The following ERI3 variants were observed in gnomAD, a reference collection of about 807,000 sequenced individuals.
ERI3 encodes the protein ERI1 exoribonuclease family member 3.
ERI3 carries 18 observed loss-of-function variants against 44.4 expected under a neutral mutation model. The observed-to-expected ratio is 0.41, with a 90% CI of 0.28 to 0.60. The LOEUF (loss-of-function observed/expected upper bound fraction) is 0.60, where lower values mean the gene tolerates loss of function less well. Ranked by LOEUF, ERI3 falls within the 20% of genes least tolerant of loss-of-function variation. The pLI is 0.36. For synonymous variants in ERI3, 183 were observed against 164.8 expected (o/e 1.11, Z -0.84); for missense variants, 294 against 435.5 (o/e 0.68, Z 2.89).
intron 8 of ERI3, among the ~76,000 whole-genome samples, chr1:44,245,374 G>A (rs535927417): frequency 1.3e-4 from 20 of 152,288 alleles, no homozygotes; most frequent in Non-Finnish European, 2.8e-4. Context: ...AAGACCAAGT[G>A]TCAAGAAGCC....
At chr1:44,285,699 T>A (rs1572188727) in intron 6 of ERI3, among the ~76,000 whole-genome samples, 2 of 152,110 alleles carry the variant, frequency 1.3e-5, no homozygotes, top group East Asian at 3.8e-4. Context: ...AGTCAAAAAG[T>A]AAGATGTAAC....
intron 8 of ERI3, among the ~76,000 whole-genome samples, chr1:44,229,354 G>A (rs896471029): frequency 8.5e-5 from 13 of 152,126 alleles, no homozygotes; most frequent in African/African-American, 2.4e-4. Context: ...GAGGCAGCAC[G>A]GACACCACAT....
intron 7 of ERI3, among the ~76,000 whole-genome samples, chr1:44,283,082 T>C (rs1179818980): frequency 6.6e-6 from 1 of 152,232 alleles, no homozygotes; most frequent in Non-Finnish European, 1.5e-5. Context: ...CTGCCTCGCC[T>C]GGCCGGGCCT....
intron 4 of ERI3, among the ~76,000 whole-genome samples, chr1:44,316,094 AAATT>A (rs1646082942): frequency 6.6e-6 from 1 of 152,172 alleles, no homozygotes; most frequent in South Asian, 2.1e-4. Flanking sequence ...CAATTTTATC[AAATT>A]AATACTGGGA....
chr1:44,288,810 G>A (rs935259315), intron 6 of ERI3, among the ~76,000 whole-genome samples: 1 of 152,028 alleles, frequency 6.6e-6, no homozygotes, highest in Admixed American at 6.5e-5. Context: ...TAAGGTCGGT[G>A]GGTATCAGTG....
intron 7 of ERI3, among the ~76,000 whole-genome samples, chr1:44,284,449 T>C (rs546445722): frequency 1.8e-4 from 28 of 152,222 alleles, no homozygotes; most frequent in African/African-American, 5.3e-4. Flanking sequence ...AGAGACCACA[T>C]TGATGATGAT....
At chr1:44,292,929 A>T (rs1376800872) in intron 6 of ERI3, among the ~76,000 whole-genome samples, 1 of 152,184 alleles carries the variant, frequency 6.6e-6, no homozygotes, top group Non-Finnish European at 1.5e-5. Flanking sequence ...CAAGAAGTCT[A>T]TAAGCAGCCC....
intron 3 of ERI3, among the ~76,000 whole-genome samples, chr1:44,338,483 T>G (rs1365810025): frequency 1.3e-5 from 2 of 152,250 alleles, no homozygotes; most frequent in Non-Finnish European, 2.9e-5. Flanking sequence ...TCCACAGGGC[T>G]GCTTGAGTGT....
intron 7 of ERI3, 86 bp downstream of exon 7, chr1:44,284,749 A>T: frequency 2.1e-6 from 2 of 961,106 alleles, no homozygotes; most frequent in South Asian, 2.7e-5. Flanking sequence ...GAGGGAGAAC[A>T]GATATAAGAA....
Position 44,354,910 on chromosome 1 carries a change from A to G in ERI3, c.117T>C (p.Ser39=). 1 of 1,316,906 alleles carries G rather than the reference A, an allele frequency of 7.6e-7. No homozygotes were observed. The highest frequency in any genetic ancestry group is 9.8e-7 in the Non-Finnish European group (1 of 1,024,112). 81.6% of individuals were successfully genotyped at this position (1,316,906 alleles called of 1,614,324 possible). A position where few individuals can be genotyped will look rare whatever the true frequency, so the allele number is the denominator to read the frequency against. ...CACCCACCCCGGGGTGTTGCCCCCA[A>G]CTCGGGCCCATCCAAGTCCAGGGGA... is the stretch of plus-strand genomic sequence containing the variant. ...LTLPWTWMGP[S]WGQHPGHWGF... The change falls in exon 1 of 9, where the codon AGT becomes AGC. Residue 39 remains serine (S), a synonymous_variant. Coordinates refer to ENST00000372257, the MANE Select transcript of ERI3 (RefSeq NM_024066.3).
At chr1:44,304,197 A>C (rs1399560311) in intron 6 of ERI3, among the ~76,000 whole-genome samples, 1 of 152,168 alleles carries the variant, frequency 6.6e-6, no homozygotes, top group Non-Finnish European at 1.5e-5. Context: ...TTTAGGTGGC[A>C]GATGAGCCCG....
intron 8 of ERI3, among the ~76,000 whole-genome samples, chr1:44,236,613 G>A (rs1644310735): frequency 6.6e-6 from 1 of 152,102 alleles, no homozygotes; most frequent in Non-Finnish European, 1.5e-5. Flanking sequence ...AGGCAATAAG[G>A]TAAAAGAAGG....
chr1:44,338,440 C>G (rs530045310), intron 3 of ERI3, among the ~76,000 whole-genome samples: 41 of 152,322 alleles, frequency 2.7e-4, no homozygotes, highest in African/African-American at 8.9e-4. Context: ...TGGATTTTGG[C>G]TAAGAGCCTC....
chr1:44,267,899 G>T (rs1486400199), intron 7 of ERI3, among the ~76,000 whole-genome samples: 1 of 152,204 alleles, frequency 6.6e-6, no homozygotes, highest in Non-Finnish European at 1.5e-5. Flanking sequence ...GCAATCTAGG[G>T]TATCTTGAGG....
intron 3 of ERI3, among the ~76,000 whole-genome samples, chr1:44,326,868 G>A (rs913211254): frequency 2.0e-5 from 3 of 152,192 alleles, no homozygotes; most frequent in African/African-American, 7.2e-5. Flanking sequence ...AGGAGAGTAT[G>A]GGTGCAAAGT....
At chr1:44,353,062 C>A in intron 1 of ERI3, 137 bp from the exon 2 acceptor site, 1 of 1,481,578 alleles carries the variant, frequency 6.7e-7, no homozygotes, top group African/African-American at 1.4e-5. Flanking sequence ...AGTGCCCCCA[C>A]AGAGCTTTCA....
At chr1:44,306,543 T>A (rs1401098025) in intron 6 of ERI3, among the ~76,000 whole-genome samples, 2 of 152,200 alleles carry the variant, frequency 1.3e-5, no homozygotes, top group African/African-American at 4.8e-5. Context: ...CACCAACACC[T>A]GTCCAGGGCC....
chr1:44,261,290 G>A lies in ERI3; in HGVS notation c.832-13252C>T, dbSNP rs549645246. Among the ~76,000 whole-genome samples the A allele has an allele frequency of 4.6e-5, 7 of 152,380 alleles. No individual in the cohort carries two copies. In the East Asian group the frequency reaches 5.8e-4, roughly 13 times the overall value. ...CCCCAGCGGGCAGGGCGCACAGCGC[G>A]GAGGAAGGCGCGAGTCAGTCTGGAG... On this transcript the variant is annotated intron_variant, in intron 7 of 8. Coordinates refer to ENST00000372257, the MANE Select transcript of ERI3 (RefSeq NM_024066.3).
chr1:44,243,433 G>A (rs1644486377), intron 8 of ERI3: 2 of 152,278 alleles, frequency 1.3e-5, no homozygotes, highest in South Asian at 4.1e-4. Flanking sequence ...AAAAAAGAAG[G>A]GAAGGAGGTC....
Sources: allele counts gnomAD v4.1 joint callset (sites outside exome capture counted in the v4.1 genomes callset), GRCh38; gene constraint gnomAD v4.1.1; transcripts MANE v1.5; gene names NCBI Gene and HGNC (gene_info 2026-07-23, HGNC 2026-07-21).